The following BARX2 variants were observed in gnomAD, a reference collection of about 807,000 sequenced individuals.
The protein encoded by BARX2 is homeobox protein BarH-like 2.
BARX2 carries 11 observed loss-of-function variants against 25.5 expected under a neutral mutation model. That is an observed-to-expected ratio of 0.43 (90% CI 0.27 to 0.71). The LOEUF (loss-of-function observed/expected upper bound fraction) is 0.71, where lower values mean the gene tolerates loss of function less well. Ranked by LOEUF, BARX2 falls within the 30% of genes least tolerant of loss-of-function variation. The pLI is 0.19. For missense variants in BARX2, 360 were observed against 359.9 expected (o/e 1.00, Z 0.00); for synonymous variants, 137 against 149.5 (o/e 0.92, Z 0.61).
chr11:129,417,593 A>G (rs549607242), intron 1 of BARX2, among the ~76,000 whole-genome samples: 1 of 152,354 alleles, frequency 6.6e-6, no homozygotes, highest in South Asian at 2.1e-4. Context: ...CCAAACCTGA[A>G]TAGCAGAGAT....
chr11:129,376,284 T>A lies in BARX2; in HGVS notation c.187+62T>A. The A allele has an allele frequency of 7.0e-7, 1 of 1,430,998 alleles. No individual in the cohort carries two copies. Among genetic ancestry groups the A allele is most frequent in the Non-Finnish European group, 9.4e-7 (1 of 1,060,214 alleles). 88.6% of individuals were successfully genotyped at this position (1,430,998 alleles called of 1,614,324 possible). ...AGCTTTCACGTCCGTGTAGGTGGCC[T>A]GTGCTTTGCGATCCGAGGGCGAGAG... On this transcript the variant is annotated intron_variant, in intron 1 of 3. Coordinates refer to ENST00000281437, the MANE Select transcript of BARX2 (RefSeq NM_003658.5). This position sits in a 1 kb window ranked among gnomAD's most constrained non-coding sequence, Gnocchi z 4.2.
At chr11:129,448,741 C>G (rs757598637) in intron 3 of BARX2, among the ~76,000 whole-genome samples, 21 of 152,198 alleles carry the variant, frequency 1.4e-4, no homozygotes, top group Non-Finnish European at 2.4e-4. Flanking sequence ...AATGATCCAG[C>G]AATTCAATTT....
At chr11:129,401,262 A>C (rs751710001) in intron 1 of BARX2, among the ~76,000 whole-genome samples, 5 of 152,094 alleles carry the variant, frequency 3.3e-5, no homozygotes, top group African/African-American at 1.2e-4. Context: ...ATTGTTAGAG[A>C]TGGATATAAG....
intron 1 of BARX2, among the ~76,000 whole-genome samples, chr11:129,412,164 C>T (rs893442726): frequency 6.6e-6 from 1 of 151,454 alleles, no homozygotes; most frequent in Admixed American, 6.6e-5. Context: ...CCCAGCTACT[C>T]GGGAGGCTGA....
At chr11:129,422,186 A>G (rs1862012151) in intron 1 of BARX2, among the ~76,000 whole-genome samples, 1 of 151,662 alleles carries the variant, frequency 6.6e-6, no homozygotes, top group African/African-American at 2.4e-5. Context: ...GCCCCTCAAC[A>G]CTCTTTATAG....
chr11:129,394,531 T>A (rs1054453256), intron 1 of BARX2, among the ~76,000 whole-genome samples: 6 of 152,130 alleles, frequency 3.9e-5, no homozygotes, highest in Non-Finnish European at 8.8e-5. Context: ...TTGGTTAAAT[T>A]TTTTTCCCCA....
chr11:129,431,292 T>A (rs1207305140), intron 1 of BARX2, among the ~76,000 whole-genome samples: 1 of 152,228 alleles, frequency 6.6e-6, no homozygotes, highest in African/African-American at 2.4e-5. Flanking sequence ...TTGTGTTCTC[T>A]TTTCACTTGG....
At chr11:129,445,731 A>G (rs1420871651) in intron 3 of BARX2, among the ~76,000 whole-genome samples, 1 of 152,236 alleles carries the variant, frequency 6.6e-6, no homozygotes, top group Non-Finnish European at 1.5e-5. Flanking sequence ...AGTCAAGTGC[A>G]GAAGACACAT....
rs1861509706 is a variant in BARX2 at position 129,376,847 on chromosome 11, A to G, written c.187+625A>G. On this transcript the variant is annotated intron_variant, in intron 1 of 3. Transcript: ENST00000281437. The surrounding 1 kb of genome is among the most constrained non-coding windows in gnomAD (Gnocchi z 4.2). ...TCGTTTGTCTTAAGTGACCAAAACC[A>G]GCAATGGTAACAATGAAAACATTAC... Among the ~76,000 whole-genome samples, 2 of 152,274 alleles carry G rather than the reference A, an allele frequency of 1.3e-5. No homozygotes were observed. Among genetic ancestry groups the G allele is most frequent in the South Asian group, 4.1e-4 (2 of 4,834 alleles).
chr11:129,427,449 G>A (rs561783046), intron 1 of BARX2, among the ~76,000 whole-genome samples: 1 of 152,260 alleles, frequency 6.6e-6, no homozygotes, highest in East Asian at 1.9e-4. Flanking sequence ...CATCTTCCAG[G>A]TTATCTGCAT....
rs144688814 is a variant in BARX2 at position 129,418,377 on chromosome 11, G to A, written c.188-18374G>A. 6.6e-3 allele frequency among the ~76,000 whole-genome samples: 1,005 copies of A among 152,236 alleles called. 3 individuals are homozygous for A. Among genetic ancestry groups the A allele is most frequent in the African/African-American group, 0.017 (709 of 41,548 alleles). On this transcript the variant is annotated intron_variant, in intron 1 of 3. Coordinates refer to ENST00000281437, the MANE Select transcript of BARX2 (RefSeq NM_003658.5). ...TAATGGGGTCATTATTTCTGTATTC[G>A]ATGGATTTCAGAATGTCATGTTATT...
chr11:129,446,916 GAGAC>G (rs1371848195), intron 3 of BARX2, among the ~76,000 whole-genome samples: 1 of 152,326 alleles, frequency 6.6e-6, no homozygotes, highest in South Asian at 2.1e-4. Flanking sequence ...GCTGCAGAGA[GAGAC>G]AGAGAAAAAG....
At chr11:129,379,763 A>G (rs1050642703) in intron 1 of BARX2, among the ~76,000 whole-genome samples, 3 of 150,564 alleles carry the variant, frequency 2.0e-5, no homozygotes, top group Admixed American at 1.3e-4. Context: ...GATACTGATA[A>G]ATGAACCTAT....
At chr11:129,414,580 T>C (rs1861925544) in intron 1 of BARX2, among the ~76,000 whole-genome samples, 1 of 152,184 alleles carries the variant, frequency 6.6e-6, no homozygotes, top group South Asian at 2.1e-4. Context: ...ATAAATCCTT[T>C]CCCTAGGCTT....
At chr11:129,413,791 C>T (rs1333541916) in intron 1 of BARX2, among the ~76,000 whole-genome samples, 6 of 151,860 alleles carry the variant, frequency 4.0e-5, no homozygotes, top group South Asian at 2.1e-4. Flanking sequence ...AGGCCGGGCG[C>T]AGTGGCTCAC....
chr11:129,385,669 A>G lies in BARX2; in HGVS notation c.187+9447A>G, dbSNP rs868248463. On this transcript the variant is annotated intron_variant, in intron 1 of 3. Transcript: ENST00000281437. ...ACCACAGGTTTTTATTTTCCTATGT[A>G]ATTTATTTATTTATTAAGACAAAAA... 3.9e-5 allele frequency among the ~76,000 whole-genome samples: 6 copies of G among 152,114 alleles called. No homozygotes were observed. The South Asian group carries it at 1.2e-3, about 32-fold the overall frequency.
intron 1 of BARX2, among the ~76,000 whole-genome samples, chr11:129,410,997 A>C (rs1360523751): frequency 8.5e-5 from 13 of 152,204 alleles, no homozygotes; most frequent in Non-Finnish European, 1.9e-4. Context: ...GACAGGCTTG[A>C]AATAGGTCTG....
chr11:129,414,085 C>T (rs56141553), intron 1 of BARX2, among the ~76,000 whole-genome samples: 6,203 of 149,124 alleles, frequency 0.042, 480 homozygotes, highest in African/African-American at 0.15. Context: ...AAAGAGAGAG[C>T]GGACAGTAAT....
rs190632592 is a variant in BARX2, at chr11:129,446,854, C to T, written c.573+3935C>T. ...CATGCTGGGGAATCCAAACTTGTTT[C>T]TCAGCTTCATGGAAACAGTCATCAG... On this transcript the variant is annotated intron_variant, in intron 3 of 3. Transcript: ENST00000281437. Among the ~76,000 whole-genome samples, 155 of 152,256 alleles carry T rather than the reference C, an allele frequency of 1.0e-3. 1 individual carries two copies. The highest frequency in any genetic ancestry group is 3.6e-3 in the African/African-American group (150 of 41,554).
Sources: allele counts gnomAD v4.1 joint callset (sites outside exome capture counted in the v4.1 genomes callset), GRCh38; gene constraint gnomAD v4.1.1; non-coding constraint Gnocchi (gnomAD v3.1); transcripts MANE v1.5; gene names NCBI Gene and HGNC (gene_info 2026-07-23, HGNC 2026-07-21).